The following CLIP2 variants were observed in gnomAD, a reference collection of about 807,000 sequenced individuals.
The protein encoded by CLIP2 is CAP-Gly domain-containing linker protein 2.
CLIP2 carries 41 observed loss-of-function variants against 111.7 expected under a neutral mutation model. That is an observed-to-expected ratio of 0.37 (90% CI 0.29 to 0.48). The LOEUF (loss-of-function observed/expected upper bound fraction) is 0.48, where lower values mean the gene tolerates loss of function less well. Among genes scored for constraint, CLIP2 ranks in the 20% least tolerant of loss-of-function variants. The pLI is 0.99. For synonymous variants in CLIP2, 660 were observed against 644.2 expected (o/e 1.02, Z -0.37); for missense variants, 1,160 against 1,422.1 (o/e 0.82, Z 2.96).
chr7:74,376,061 A>C lies in CLIP2; in HGVS notation c.1660A>C (p.Lys554Gln). The change falls in exon 10 of 17, where the codon AAG (lysine) becomes CAG (glutamine). Residue 554 changes from lysine to glutamine, a missense_variant. Lys to Gln is a moderately conservative substitution (Grantham distance 53). Transcript: ENST00000223398. This position sits in a 1 kb window ranked among gnomAD's most constrained non-coding sequence, Gnocchi z 7.1. The stretch of plus-strand genomic sequence containing the variant: ...ACGGGAGCGGCTGCTCTCGGCCAGC[A>C]AGGAACACCAGAGGGAGAGTGGGGT... ...RLRERLLSAS[K>Q]EHQRESGVLR... The C allele has an allele frequency of 6.2e-7, 1 of 1,612,892 alleles. No homozygotes were observed. The highest frequency in any genetic ancestry group is 8.5e-7 in the Non-Finnish European group (1 of 1,179,912).
rs782103239 is a variant in CLIP2, at chr7:74,375,998, C to A, written c.1597C>A (p.Pro533Thr). 5.0e-6 allele frequency: 8 copies of A among 1,612,006 alleles called. No individual in the cohort carries two copies. Reference protein sequence around the residue: ...QQCLLHSGPPPPDHPDAAEIL... With the variant: ...QQCLLHSGPPTPDHPDAAEIL... ...GTGCCTGTTGCACTCGGGTCCCCCA[C>A]CTCCGGACCACCCAGACGCCGCCGA... Residue 533 changes from proline to threonine, a missense_variant, in exon 10 of 17, where the codon CCT (proline) becomes ACT (threonine). Around this residue, in one of 5 missense-constraint regions of CLIP2, gnomAD observed 676 missense variants for 777.8 expected, o/e 0.87. Coordinates refer to ENST00000223398, the MANE Select transcript of CLIP2 (RefSeq NM_003388.5).
intron 1 of CLIP2, among the ~76,000 whole-genome samples, chr7:74,314,779 G>A (rs1308399979): frequency 1.3e-5 from 2 of 152,222 alleles, no homozygotes; most frequent in Non-Finnish European, 2.9e-5. Context: ...ATTGGGTGCA[G>A]GAAAGTTTGT....
chr7:74,322,573 C>T (rs1021047020), intron 2 of CLIP2, among the ~76,000 whole-genome samples: 4 of 152,080 alleles, frequency 2.6e-5, no homozygotes, highest in Non-Finnish European at 5.9e-5. Context: ...GAGACTCCGT[C>T]TCAAAAAACA....
intron 1 of CLIP2, among the ~76,000 whole-genome samples, chr7:74,313,183 G>T (rs530226448): frequency 2.0e-5 from 3 of 152,014 alleles, no homozygotes; most frequent in East Asian, 1.9e-4. Context: ...CGGGGCAGGG[G>T]ATGGTGGTGG....
At chr7:74,390,743 C>T (rs868978288) in intron 13 of CLIP2, among the ~76,000 whole-genome samples, 1,559 of 7,136 alleles carry the variant, frequency 0.22, 37 homozygotes, top group African/African-American at 0.36. Flanking sequence ...TATTTTCTGG[C>T]GGGGTGGGGG....
intron 1 of CLIP2, among the ~76,000 whole-genome samples, chr7:74,300,941 A>C (rs540542735): frequency 6.6e-6 from 1 of 152,282 alleles, no homozygotes; most frequent in African/African-American, 2.4e-5. Context: ...CTTTGGGTAG[A>C]TGGCAATTAG....
intron 15 of CLIP2, among the ~76,000 whole-genome samples, chr7:74,401,135 G>T (rs1041955214): frequency 1.3e-5 from 2 of 151,338 alleles, no homozygotes; most frequent in African/African-American, 2.4e-5. Flanking sequence ...CGGGAACCCT[G>T]GTCTGAAGGG....
chr7:74,305,178 G>A (rs1196659004), intron 1 of CLIP2, among the ~76,000 whole-genome samples: 1 of 46,578 alleles, frequency 2.1e-5, no homozygotes, highest in Non-Finnish European at 9.4e-5. Context: ...TGTGCCATCC[G>A]TGCCCACCCA....
At chr7:74,294,080 C>A (rs1222575090) in intron 1 of CLIP2, among the ~76,000 whole-genome samples, 2 of 152,144 alleles carry the variant, frequency 1.3e-5, no homozygotes, top group Non-Finnish European at 2.9e-5. Context: ...CCACGCCTGG[C>A]TAATTTTTGT....
intron 11 of CLIP2, among the ~76,000 whole-genome samples, chr7:74,386,104 A>G (rs574144363): frequency 1.5e-4 from 22 of 144,924 alleles, no homozygotes; most frequent in African/African-American, 4.6e-4. Context: ...CTGGAGTGCA[A>G]TGGCGCTATC....
chr7:74,341,671 G>A (rs373695297), intron 3 of CLIP2, among the ~76,000 whole-genome samples: 1 of 148,582 alleles, frequency 6.7e-6, no homozygotes, highest in East Asian at 2.0e-4. Flanking sequence ...ATAGCTCACT[G>A]CAGCCTCAAA....
At position 74,300,324 on chromosome 7, in the gene CLIP2, C is replaced by T. The variant is rs569395883; in HGVS notation, c.-68+10590C>T. On this transcript the variant is annotated intron_variant, in intron 1 of 16. Coordinates refer to ENST00000223398, the MANE Select transcript of CLIP2 (RefSeq NM_003388.5). ...TTGTAGTCTCCAGCGTCTATTATTC[C>T]CCTCTGTATTTTCATGTATACCCAC... Among the ~76,000 whole-genome samples, 4 of 151,944 alleles carry T rather than the reference C, an allele frequency of 2.6e-5. No individual in the cohort carries two copies. The South Asian group carries it at 8.3e-4, about 32-fold the overall frequency.
At chr7:74,374,253 G>A (rs1162832662) in intron 9 of CLIP2, among the ~76,000 whole-genome samples, 1 of 152,234 alleles carries the variant, frequency 6.6e-6, no homozygotes, top group Non-Finnish European at 1.5e-5. Flanking sequence ...GGTGTCCAGA[G>A]ACACACAGGG....
At chr7:74,317,774 G>T in intron 2 of CLIP2, 107 bp downstream of exon 2, 1 of 1,267,302 alleles carries the variant, frequency 7.9e-7, no homozygotes, top group Non-Finnish European at 1.0e-6. Flanking sequence ...AATCTGATGG[G>T]GGACGCTGAG....
chr7:74,342,842 T>C (rs868956331), intron 3 of CLIP2, among the ~76,000 whole-genome samples: 34 of 152,090 alleles, frequency 2.2e-4, no homozygotes, highest in Middle Eastern at 6.8e-3. Context: ...CGTCAGGAGA[T>C]CGAGACCATG....
At chr7:74,402,718 C>G (rs1017138478) in intron 16 of CLIP2, among the ~76,000 whole-genome samples, 22 of 152,162 alleles carry the variant, frequency 1.4e-4, no homozygotes, top group Admixed American at 1.1e-3. Context: ...AGAGAGAGAA[C>G]CTAGTTCTGA....
intron 1 of CLIP2, among the ~76,000 whole-genome samples, chr7:74,306,249 A>T (rs893058266): frequency 2.6e-5 from 4 of 151,170 alleles, no homozygotes; most frequent in Non-Finnish European, 5.9e-5. Context: ...TGCTGAGCCT[A>T]CCTCTGGGGC....
chr7:74,362,880 G>A (rs1361382636), intron 7 of CLIP2, among the ~76,000 whole-genome samples: 2 of 152,098 alleles, frequency 1.3e-5, no homozygotes, highest in Non-Finnish European at 2.9e-5. Context: ...GGGCCTGGGT[G>A]CAAGTCTCTG....
In CLIP2 at chr7:74,360,252, G is replaced by A. The variant is rs1584359343; in HGVS notation, c.1293G>A (p.Leu431=). The A allele has an allele frequency of 6.2e-7, 1 of 1,604,160 alleles. No homozygotes were observed. Among genetic ancestry groups the A allele is most frequent in the East Asian group, 2.2e-5 (1 of 44,588 alleles). The change falls in exon 7 of 17, where the codon CTG becomes CTA. Residue 431 remains leucine (L), a synonymous_variant. Transcript: ENST00000223398. ...GCGTGCGGAAAGAGAAGGTGGACCT[G>A]TCCAACCAGCTGGAGGAGGAGAGGA... The part of the protein sequence containing the change: ...VESVRKEKVD[L]SNQLEEERRK...
Sources: allele counts gnomAD v4.1 joint callset (sites outside exome capture counted in the v4.1 genomes callset), GRCh38; gene constraint gnomAD v4.1.1; regional missense constraint gnomAD v4.1.1; non-coding constraint Gnocchi (gnomAD v3.1); transcripts MANE v1.5; gene names NCBI Gene and HGNC (gene_info 2026-07-23, HGNC 2026-07-21).